Variants in NOVA2 observed in about 807,000 individuals in gnomAD.
NOVA2 encodes RNA-binding protein Nova-2.
NOVA2 carries 9 observed loss-of-function variants against 22.5 expected under a neutral mutation model. The ratio of observed to expected loss-of-function variants is 0.40; its 90% confidence interval spans 0.24 to 0.70. The LOEUF is 0.70. NOVA2 is among the 30% of genes least tolerant of loss of function. The pLI is 0.38. For synonymous variants in NOVA2, 318 were observed against 335.2 expected, an observed-to-expected ratio of 0.95 and a Z score of 0.56; for missense variants, 383 against 682.8, an observed-to-expected ratio of 0.56 and a Z score of 4.89.
At chr19:45,949,495 CAT>C (rs1163390031) in intron 3 of NOVA2, among the ~76,000 whole-genome samples, 1 of 152,128 alleles carries the variant, frequency 6.6e-6, no homozygotes, top group Non-Finnish European at 1.5e-5. Flanking sequence ...AGGGGTTAAT[CAT>C]GTGGGAAAAA....
At chr19:45,947,362 G>T (rs183577064) in intron 3 of NOVA2, among the ~76,000 whole-genome samples, 1 of 152,148 alleles carries the variant, frequency 6.6e-6, no homozygotes, top group Non-Finnish European at 1.5e-5. Context: ...CTTACCTGGT[G>T]GGGGTGGGGA....
rs758030766 is a variant in NOVA2, at chr19:45,940,520, G to T, written c.822C>A (p.Thr274=). ...GCGCCGTGCTGATGGCCAGCAGGTC[G>T]GTGCCTGAGAAGGCGGGCAGCGCGG... ...FPAALPAFSG[T]DLLAISTALN... is the part of the protein sequence containing the mutation. Residue 274 remains threonine, a synonymous_variant, in exon 4 of 4, where the codon ACC becomes ACA. Coordinates refer to ENST00000263257, the MANE Select transcript of NOVA2 (RefSeq NM_002516.4). The T allele has an allele frequency of 1.3e-6, 2 of 1,513,074 alleles. No individual in the cohort carries two copies. Among genetic ancestry groups the T allele is most frequent in the East Asian group, 5.9e-5 (2 of 34,074 alleles). 93.7% of individuals were successfully genotyped at this position (1,513,074 alleles called of 1,614,324 possible).
chr19:45,959,773 G>A (rs1368408823), intron 2 of NOVA2, among the ~76,000 whole-genome samples: 1 of 149,302 alleles, frequency 6.7e-6, no homozygotes, highest in East Asian at 2.0e-4. Flanking sequence ...GAGAGGGAAA[G>A]ATAGGAGAGA....
intron 1 of NOVA2, among the ~76,000 whole-genome samples, chr19:45,964,139 A>C (rs1407722598): frequency 6.6e-6 from 1 of 151,550 alleles, no homozygotes; most frequent in Admixed American, 6.6e-5. Context: ...TTCAACTTTT[A>C]AGCAAAGGAA....
intron 3 of NOVA2, among the ~76,000 whole-genome samples, chr19:45,947,014 A>G (rs1568663556): frequency 6.6e-6 from 1 of 152,074 alleles, no homozygotes; most frequent in Non-Finnish European, 1.5e-5. Context: ...TTCCTTAAAC[A>G]TTTTCAAAAT....
chr19:45,961,157 CG>C lies in NOVA2; in HGVS notation c.86-5del. The C allele has an allele frequency of 6.4e-7, 1 of 1,558,518 alleles. No homozygotes were observed. Among genetic ancestry groups the C allele is most frequent in the Admixed American group, 1.8e-5 (1 of 56,284 alleles). ...TTCAGGAAGTATTCGCCTTCCTCTGCGGGGGCACACAGGGTGGAGGGGAGTC... is the reference window on the plus strand; with the variant it reads ...TTCAGGAAGTATTCGCCTTCCTCTGCGGGGCACACAGGGTGGAGGGGAGTC... On this transcript the variant is annotated splice_polypyrimidine_tract_variant and splice_region_variant and intron_variant, in intron 1 of 3. Coordinates refer to ENST00000263257, the MANE Select transcript of NOVA2 (RefSeq NM_002516.4).
chr19:45,961,296 A>G (rs1968092513), intron 1 of NOVA2, 143 bp from the exon 2 acceptor site: 1 of 608,430 alleles, frequency 1.6e-6, no homozygotes. Flanking sequence ...CATTCATTCA[A>G]CAAATAGTTA....
intron 1 of NOVA2, among the ~76,000 whole-genome samples, chr19:45,969,020 G>T (rs145167116): frequency 6.6e-6 from 1 of 152,088 alleles, no homozygotes; most frequent in African/African-American, 2.4e-5. Context: ...TTAGCCAGGC[G>T]TGGTGGCACA....
intron 1 of NOVA2, among the ~76,000 whole-genome samples, chr19:45,972,559 G>C (rs1418768443): frequency 2.6e-5 from 4 of 152,080 alleles, no homozygotes; most frequent in Non-Finnish European, 4.4e-5. Flanking sequence ...ACCCGCTGGA[G>C]GGTCTCAAAC....
chr19:45,961,475 C>G (rs906983708), intron 1 of NOVA2, among the ~76,000 whole-genome samples: 3 of 150,476 alleles, frequency 2.0e-5, no homozygotes, highest in Non-Finnish European at 4.4e-5. Flanking sequence ...GGAAGACAGA[C>G]AGTATATTTC....
At chr19:45,947,321 G>A (rs1304458256) in intron 3 of NOVA2, among the ~76,000 whole-genome samples, 3 of 152,066 alleles carry the variant, frequency 2.0e-5, no homozygotes, top group African/African-American at 7.2e-5. Context: ...GCCCAAGCAG[G>A]AAGGCGAATG....
At chr19:45,947,720 T>C (rs956955288) in intron 3 of NOVA2, among the ~76,000 whole-genome samples, 9 of 152,082 alleles carry the variant, frequency 5.9e-5, no homozygotes, top group African/African-American at 1.9e-4. Context: ...GATCCGCCTG[T>C]CTCAGCCTCC....
Position 45,972,015 on chromosome 19 carries a change from C to T in NOVA2, c.85+1252G>A, listed in dbSNP as rs765047991. ...CGGCAATCTCCAATACACACGGACA[C>T]ACACACAGCCTCCCTTGTCAAACAC... On this transcript the variant is annotated intron_variant, in intron 1 of 3. Transcript: ENST00000263257. Among the ~76,000 whole-genome samples the T allele has an allele frequency of 5.3e-4, 81 of 152,072 alleles. 1 individual carries two copies. The highest frequency in any genetic ancestry group is 2.1e-4 in the South Asian group (1 of 4,834).
intron 1 of NOVA2, among the ~76,000 whole-genome samples, chr19:45,968,195 G>T (rs530550151): frequency 6.6e-6 from 1 of 152,192 alleles, no homozygotes; most frequent in Non-Finnish European, 1.5e-5. Context: ...TGTCCTCATG[G>T]CACCTCATGG....
At chr19:45,958,588 T>A (rs1968048259) in intron 2 of NOVA2, among the ~76,000 whole-genome samples, 1 of 150,522 alleles carries the variant, frequency 6.6e-6, no homozygotes. Flanking sequence ...TGTGAATGAG[T>A]GTGTGTGAGC....
chr19:45,939,934 G>C lies in NOVA2; in HGVS notation c.1408C>G (p.Gln470Glu). The change falls in exon 4 of 4, where the codon CAA becomes GAA. Residue 470 changes from glutamine to glutamate, a missense_variant. This residue lies in a region of NOVA2 where 34 missense variants were observed against 104.7 expected (regional missense o/e 0.32). Coordinates refer to ENST00000263257, the MANE Select transcript of NOVA2 (RefSeq NM_002516.4). The stretch of plus-strand genomic sequence containing the variant: ...GTGACCCGCTGACTGATGAGGTATT[G>C]AGCGGCTTGCGTGGCCGCGGGGCTG... ...TGSPAATQAA[Q>E]YLISQRVTYE... 1 of 1,614,172 alleles carries C rather than the reference G, an allele frequency of 6.2e-7. No individual in the cohort carries two copies. The highest frequency in any genetic ancestry group is 8.5e-7 in the Non-Finnish European group (1 of 1,180,002).
At chr19:45,947,287 G>C (rs1464694846) in intron 3 of NOVA2, among the ~76,000 whole-genome samples, 1 of 152,018 alleles carries the variant, frequency 6.6e-6, no homozygotes, top group Non-Finnish European at 1.5e-5. Flanking sequence ...GACGGATGAA[G>C]ACTGAAGGAT....
intron 3 of NOVA2, among the ~76,000 whole-genome samples, chr19:45,949,182 T>C (rs995682251): frequency 1.3e-5 from 2 of 152,070 alleles, no homozygotes; most frequent in Admixed American, 6.6e-5. Flanking sequence ...AGGTTTCTTT[T>C]TGGCATGATG....
chr19:45,936,903 A>T lies in NOVA2; in HGVS notation c.*2960T>A, dbSNP rs1353524195. The T allele has an allele frequency of 2.0e-5, 3 of 151,252 alleles. No individual in the cohort carries two copies. Among genetic ancestry groups the T allele is most frequent in the East Asian group, 1.9e-4 (1 of 5,160 alleles). 9.4% of individuals were successfully genotyped at this position (151,252 alleles called of 1,614,324 possible). A position where few individuals can be genotyped will look rare whatever the true frequency, so the allele number is the denominator to read the frequency against. ...AATAGGGAGACGGGGAAAAAAAAAGAGATGATGGGTTTTTCAATAATCCTC... is the reference window on the plus strand; with the variant it reads ...AATAGGGAGACGGGGAAAAAAAAAGTGATGATGGGTTTTTCAATAATCCTC... On this transcript the variant is annotated 3_prime_UTR_variant, in exon 4 of 4. Transcript: ENST00000263257.
Sources: allele counts gnomAD v4.1 joint callset (sites outside exome capture counted in the v4.1 genomes callset), GRCh38; gene constraint gnomAD v4.1.1; regional missense constraint gnomAD v4.1.1; transcripts MANE v1.5; gene names NCBI Gene and HGNC (gene_info 2026-07-23, HGNC 2026-07-21).